BMP10: variants seen among roughly 807,000 people sequenced by gnomAD.
The protein encoded by BMP10 is bone morphogenetic protein 10.
In BMP10, 9 loss-of-function variants were observed where a neutral mutation model predicts 29.9. The ratio of observed to expected loss-of-function variants is 0.30; its 90% CI spans 0.18 to 0.53. The LOEUF is 0.53. Ranked by LOEUF, BMP10 falls within the 20% of genes least tolerant of loss-of-function variation. The probability of loss-of-function intolerance (pLI) is 0.96; values close to 1 mark genes in which losing one functional copy is unlikely to be tolerated. For synonymous variants in BMP10, 202 were observed against 200.2 expected, an observed-to-expected ratio of 1.01 and a Z score of -0.07; for missense variants, 474 against 524.3, an observed-to-expected ratio of 0.90 and a Z score of 0.94.
intron 1 of BMP10, among the ~76,000 whole-genome samples, chr2:68,869,180 A>G (rs1340776711): frequency 6.6e-6 from 1 of 152,250 alleles, no homozygotes; most frequent in Non-Finnish European, 1.5e-5. Context: ...GCACCAGAAT[A>G]AATCAAGCCT....
chr2:68,871,365 G>T lies in BMP10; in HGVS notation c.-7C>A. On this transcript the variant is annotated 5_prime_UTR_variant, in exon 1 of 2. Transcript: ENST00000295379. Reference sequence around the variant, plus strand: ...TCAGGACCAGAGAGCCCATGACTCCGCTCGAGCTCCTAGGCCAAGCCAGGA... The same window carrying T: ...TCAGGACCAGAGAGCCCATGACTCCTCTCGAGCTCCTAGGCCAAGCCAGGA... 1 of 1,611,074 alleles carries T rather than the reference G, an allele frequency of 6.2e-7. No homozygotes were observed. The highest frequency in any genetic ancestry group is 1.7e-5 in the Admixed American group (1 of 59,796).
In BMP10 at chr2:68,866,173, C is replaced by A. The variant is rs1188730150; in HGVS notation, c.733G>T (p.Ala245Ser). 1.9e-6 allele frequency: 3 copies of A among 1,614,008 alleles called. No homozygotes were observed. In the African/African-American group the frequency reaches 4.0e-5, roughly 22 times the overall value. Residue 245 changes from alanine (A) to serine (S), a missense_variant, in exon 2 of 2, where the codon GCC becomes TCC. Ala to Ser is a moderately conservative substitution (Grantham distance 99). Transcript: ENST00000295379. ...AGCAAAGGGTTATGCTTATTCTGGG[C>A]ACTGGTATCTATTTCTAGCCGTCCA... Reference protein sequence around the residue: ...SSGRLEIDTSAQNKHNPLLIV... With the variant: ...SSGRLEIDTSSQNKHNPLLIV...
Position 68,862,770 on chromosome 2 carries a change from C to G in BMP10, c.*2861G>C, listed in dbSNP as rs940655874. Among the ~76,000 whole-genome samples, 5 of 152,056 alleles carry G rather than the reference C, an allele frequency of 3.3e-5. No homozygotes were observed. Among genetic ancestry groups the G allele is most frequent in the Non-Finnish European group, 7.4e-5 (5 of 68,018 alleles). On this transcript the variant is annotated 3_prime_UTR_variant, in exon 2 of 2. Transcript: ENST00000295379. ...TCCGGTGGGAGCTGGGAGAACTCCTCTACGGGCTGTGTCTTTTCACTTTCT... is the reference window on the plus strand; with the variant it reads ...TCCGGTGGGAGCTGGGAGAACTCCTGTACGGGCTGTGTCTTTTCACTTTCT...
chr2:68,866,530 A>G lies in BMP10; in HGVS notation c.376T>C (p.Tyr126His), dbSNP rs1682959594. Residue 126 changes from tyrosine (Y) to histidine (H), a missense_variant, in exon 2 of 2, where the codon TAC becomes CAC. Around this residue, in one of 2 missense-constraint regions of BMP10, gnomAD observed 408 missense variants for 415.3 expected, o/e 0.98. Coordinates refer to ENST00000295379, the MANE Select transcript of BMP10 (RefSeq NM_014482.3). ...QPVSFNGLRK[Y>H]PLLFNVSIPH... The stretch of plus-strand genomic sequence containing the variant: ...ATGGACACATTGAAGAGGAGGGGGT[A>G]TTTTCGGAGCCCATTAAAACTGACC... 6.2e-7 allele frequency: 1 copy of G among 1,613,552 alleles called. No homozygotes were observed. The highest frequency in any genetic ancestry group is 8.5e-7 in the Non-Finnish European group (1 of 1,179,892).
chr2:68,867,659 C>T (rs568665458), intron 1 of BMP10, among the ~76,000 whole-genome samples: 19 of 152,222 alleles, frequency 1.2e-4, no homozygotes, highest in African/African-American at 3.9e-4. Context: ...AAGGCATTTG[C>T]CATCAGATTA....
In BMP10 at chr2:68,871,337, G is replaced by A. The variant is rs1307744585; in HGVS notation, c.22C>T (p.Leu8=). The A allele has an allele frequency of 6.2e-7, 1 of 1,614,072 alleles. No homozygotes were observed. The highest frequency in any genetic ancestry group is 1.1e-5 in the South Asian group (1 of 91,080). Residue 8 remains leucine (L), a synonymous_variant, in exon 1 of 2, where the codon CTG becomes TTG. Transcript: ENST00000295379. MGSLVLT[L]CALFCLAAYL... is the part of the protein sequence containing the mutation. ...GCTGCCAGGCAGAAAAGAGCGCACAGTGTCAGGACCAGAGAGCCCATGACT... is the reference window on the plus strand; with the variant it reads ...GCTGCCAGGCAGAAAAGAGCGCACAATGTCAGGACCAGAGAGCCCATGACT...
rs1293297782 is a variant in BMP10 at position 68,865,832 on chromosome 2, G to A, written c.1074C>T (p.Tyr358=). The change falls in exon 2 of 2, where the codon TAC becomes TAT. Residue 358 remains tyrosine, a synonymous_variant. Transcript: ENST00000295379. This position sits in a 1 kb window ranked among gnomAD's most constrained non-coding sequence, Gnocchi z 4.7. ...EAYECRGVCN[Y]PLAEHLTPTK... ...TGGGTGTGAGATGCTCTGCCAGGGG[G>A]TAGTTACAAACACCACGGCATTCAT... is the stretch of plus-strand genomic sequence containing the variant. 8 of 1,613,978 alleles carry A rather than the reference G, an allele frequency of 5.0e-6. No homozygotes were observed. Among genetic ancestry groups the A allele is most frequent in the South Asian group, 4.4e-5 (4 of 91,084 alleles).
At position 68,863,246 on chromosome 2, in the gene BMP10, C is replaced by A. The variant is rs752934921; in HGVS notation, c.*2385G>T. ...AAGATAGACCATGTAGGAGCGTTTG[C>A]AGCATTGAAATCCACAAATCAGGGC... On this transcript the variant is annotated 3_prime_UTR_variant, in exon 2 of 2. Coordinates refer to ENST00000295379, the MANE Select transcript of BMP10 (RefSeq NM_014482.3). Among the ~76,000 whole-genome samples, 55 of 152,206 alleles carry A rather than the reference C, an allele frequency of 3.6e-4. 1 individual carries two copies. Among genetic ancestry groups the A allele is most frequent in the Non-Finnish European group, 6.6e-4 (45 of 68,034 alleles).
rs373552967 is a variant in BMP10, at chr2:68,864,891, C to T, written c.*740G>A. Among the ~76,000 whole-genome samples, 23 of 152,250 alleles carry T rather than the reference C, an allele frequency of 1.5e-4. No homozygotes were observed. In the East Asian group the frequency reaches 3.3e-3, roughly 22 times the overall value. ...CAGCAGCAATGGCCAGTACTCATGG[C>T]CTTGCTTTCCTATTGTCTCAGGAAC... is the stretch of plus-strand genomic sequence containing the variant. On this transcript the variant is annotated 3_prime_UTR_variant, in exon 2 of 2. Transcript: ENST00000295379.
Position 68,863,645 on chromosome 2 carries a change from G to A in BMP10, c.*1986C>T, listed in dbSNP as rs1682901277. Among the ~76,000 whole-genome samples, 1 of 152,094 alleles carries A rather than the reference G, an allele frequency of 6.6e-6. No individual in the cohort carries two copies. The highest frequency in any genetic ancestry group is 2.4e-5 in the African/African-American group (1 of 41,406). On this transcript the variant is annotated 3_prime_UTR_variant, in exon 2 of 2. Coordinates refer to ENST00000295379, the MANE Select transcript of BMP10 (RefSeq NM_014482.3). ...ATCAATCACTGTATACCCACTGACG[G>A]TCAAAACACCACTCTTCCATGAGCA...
Position 68,865,922 on chromosome 2 carries a change from G to A in BMP10, c.984C>T (p.Leu328=). 1 of 1,614,112 alleles carries A rather than the reference G, an allele frequency of 6.2e-7. No homozygotes were observed. The change falls in exon 2 of 2, where the codon CTC becomes CTT. Residue 328 remains leucine (L), a synonymous_variant. Transcript: ENST00000295379. This position sits in a 1 kb window ranked among gnomAD's most constrained non-coding sequence, Gnocchi z 4.7. ...AKGNYCKRTP[L]YIDFKEIGWD... The stretch of plus-strand genomic sequence containing the variant: ...ACCCAATCTCCTTGAAGTCGATGTA[G>A]AGCGGGGTCCTCTTACAGTAGTTTC...
Position 68,865,427 on chromosome 2 carries a change from A to C in BMP10, c.*204T>G. On this transcript the variant is annotated 3_prime_UTR_variant, in exon 2 of 2. Coordinates refer to ENST00000295379, the MANE Select transcript of BMP10 (RefSeq NM_014482.3). The surrounding 1 kb of genome is among the most constrained non-coding windows in gnomAD (Gnocchi z 4.7). ...AAATCAACAGGGAGGTGGCATTGCCAGGAAATGGCAAGTCCAAAGAGAAAA... is the reference window on the plus strand; with the variant it reads ...AAATCAACAGGGAGGTGGCATTGCCCGGAAATGGCAAGTCCAAAGAGAAAA... 2 of 585,232 alleles carry C rather than the reference A, an allele frequency of 3.4e-6. No individual in the cohort carries two copies. Among genetic ancestry groups the C allele is most frequent in the African/African-American group, 1.8e-5 (1 of 54,146 alleles). The allele number at this position is 585,232 out of a possible 1,614,324, so 36.3% of individuals were successfully genotyped here. A position where few individuals can be genotyped will look rare whatever the true frequency, so the allele number is the denominator to read the frequency against.
chr2:68,864,215 T>C lies in BMP10; in HGVS notation c.*1416A>G, dbSNP rs1326077845. Among the ~76,000 whole-genome samples the C allele has an allele frequency of 2.6e-5, 4 of 152,190 alleles. No homozygotes were observed. The highest frequency in any genetic ancestry group is 2.6e-4 in the Admixed American group (4 of 15,276). On this transcript the variant is annotated 3_prime_UTR_variant, in exon 2 of 2. Transcript: ENST00000295379. ...TTTCTACCATGAAACAATCATGATT[T>C]CAAAATTCAGGCTTGGCTTTTGAGT...
chr2:68,866,063 C>T lies in BMP10; in HGVS notation c.843G>A (p.Glu281=). ...NEMISHEQLP[E]LDNLGLDSFS... ...AGCTATCCAGGCCCAAGTTGTCCAG[C>T]TCTGGAAGTTGCTCATGGGAAATCA... The change falls in exon 2 of 2, where the codon GAG becomes GAA. Residue 281 remains glutamate, a synonymous_variant. Transcript: ENST00000295379. The T allele has an allele frequency of 6.2e-7, 1 of 1,614,132 alleles. No individual in the cohort carries two copies. Among genetic ancestry groups the T allele is most frequent in the Non-Finnish European group, 8.5e-7 (1 of 1,179,990 alleles).
chr2:68,869,747 T>A (rs1035380210), intron 1 of BMP10, among the ~76,000 whole-genome samples: 1 of 152,130 alleles, frequency 6.6e-6, no homozygotes, highest in Non-Finnish European at 1.5e-5. Flanking sequence ...GAGAAAGATA[T>A]TATGAATTAT....
At chr2:68,868,733 C>T (rs1197285506) in intron 1 of BMP10, among the ~76,000 whole-genome samples, 1 of 152,054 alleles carries the variant, frequency 6.6e-6, no homozygotes, top group Non-Finnish European at 1.5e-5. Flanking sequence ...GGTTGCTCTA[C>T]CCAGGAGAAA....
In BMP10 at chr2:68,871,346, C is replaced by G. The variant is rs201936924; in HGVS notation, c.13G>C (p.Val5Leu). The change falls in exon 1 of 2, where the codon GTC (valine) becomes CTC (leucine). Residue 5 changes from valine (V) to leucine (L), a missense_variant. Transcript: ENST00000295379. MGSLVLTLCALFCLA... is the reference protein window; with the variant it reads MGSLLLTLCALFCLA... ...CAGAAAAGAGCGCACAGTGTCAGGA[C>G]CAGAGAGCCCATGACTCCGCTCGAG... is the stretch of plus-strand genomic sequence containing the variant. 47 of 1,613,652 alleles carry G rather than the reference C, an allele frequency of 2.9e-5. No individual in the cohort carries two copies. In the African/African-American group the frequency reaches 5.5e-4, roughly 19 times the overall value.
Position 68,863,136 on chromosome 2 carries a change from G to A in BMP10, c.*2495C>T, listed in dbSNP as rs1035503534. Among the ~76,000 whole-genome samples the A allele has an allele frequency of 1.3e-5, 2 of 152,216 alleles. No homozygotes were observed. The highest frequency in any genetic ancestry group is 1.5e-5 in the Non-Finnish European group (1 of 68,032). ...GTCAGTGGGATACTAAATGTCAGCG[G>A]TGTGCCAGCACCAGTGCACAGCTCC... On this transcript the variant is annotated 3_prime_UTR_variant, in exon 2 of 2. Transcript: ENST00000295379.
chr2:68,865,803 T>C lies in BMP10; in HGVS notation c.1103A>G (p.Lys368Arg). The change falls in exon 2 of 2, where the codon AAG becomes AGG. Residue 368 changes from lysine to arginine, a missense_variant. Coordinates refer to ENST00000295379, the MANE Select transcript of BMP10 (RefSeq NM_014482.3). This position sits in a 1 kb window ranked among gnomAD's most constrained non-coding sequence, Gnocchi z 4.7. ...YPLAEHLTPT[K>R]HAIIQALVHL... ...GACCAAGGCCTGGATAATTGCATGC[T>C]TTGTGGGTGTGAGATGCTCTGCCAG... The C allele has an allele frequency of 1.2e-6, 2 of 1,614,112 alleles. No homozygotes were observed. The highest frequency in any genetic ancestry group is 1.7e-6 in the Non-Finnish European group (2 of 1,179,984).
Sources: allele counts gnomAD v4.1 joint callset (sites outside exome capture counted in the v4.1 genomes callset), GRCh38; gene constraint gnomAD v4.1.1; regional missense constraint gnomAD v4.1.1; non-coding constraint Gnocchi (gnomAD v3.1); transcripts MANE v1.5; gene names NCBI Gene and HGNC (gene_info 2026-07-23, HGNC 2026-07-21).